Variants in NSUN2 observed in about 807,000 individuals in gnomAD.
The protein encoded by NSUN2 is NOP2/Sun RNA methyltransferase 2, also known as RNA cytosine C(5)-methyltransferase NSUN2.
In NSUN2, 63 loss-of-function variants were observed where a neutral mutation model predicts 92.7. The observed-to-expected ratio is 0.68, with a 90% CI of 0.56 to 0.84. NSUN2 has a LOEUF of 0.84. Among genes scored for constraint, NSUN2 ranks in the 40% least tolerant of loss-of-function variants. NSUN2 has a pLI of 0.00. For missense variants in NSUN2, 989 were observed against 964.9 expected, an observed-to-expected ratio of 1.02 and a Z score of -0.33; for synonymous variants, 356 against 348.3, an observed-to-expected ratio of 1.02 and a Z score of -0.25.
intron 14 of NSUN2, among the ~76,000 whole-genome samples, chr5:6,606,426 G>A (rs1736772913): frequency 6.6e-6 from 1 of 152,164 alleles, no homozygotes; most frequent in Non-Finnish European, 1.5e-5. Flanking sequence ...TGGGACTACA[G>A]GTGCCCGCCA....
intron 5 of NSUN2, among the ~76,000 whole-genome samples, chr5:6,622,975 G>A (rs527320111): frequency 6.8e-6 from 1 of 147,726 alleles, no homozygotes; most frequent in East Asian, 2.0e-4. Context: ...CAATCCATAT[G>A]GTAAACAAAT....
chr5:6,613,706 G>A lies in NSUN2; in HGVS notation c.1022-1908C>T, dbSNP rs138723330. Among the ~76,000 whole-genome samples the A allele has an allele frequency of 9.3e-3, 1,411 of 152,238 alleles. 18 individuals are homozygous for A. The highest frequency in any genetic ancestry group is 0.032 in the African/African-American group (1,328 of 41,528). On this transcript the variant is annotated intron_variant, in intron 9 of 18. Coordinates refer to ENST00000264670, the MANE Select transcript of NSUN2 (RefSeq NM_017755.6). ...ATCATCTGCTCTATTGGTAATAAAG[G>A]TGCGATTTTGGCCTTGGTCTGCCTT...
At chr5:6,631,639 T>A (rs1206929212) in intron 3 of NSUN2, among the ~76,000 whole-genome samples, 1 of 152,212 alleles carries the variant, frequency 6.6e-6, no homozygotes, top group Non-Finnish European at 1.5e-5. Flanking sequence ...AGAGGCTGGA[T>A]GTACTAGGAA....
At chr5:6,611,352 GT>G (rs945059484) in intron 10 of NSUN2, among the ~76,000 whole-genome samples, 11 of 147,148 alleles carry the variant, frequency 7.5e-5, no homozygotes, top group African/African-American at 2.5e-4. Context: ...TTTCCATCTA[GT>G]TTTTTTCTTT....
chr5:6,604,337 C>T (rs1736673842), intron 16 of NSUN2, 61 bp from the exon 17 acceptor site: 1 of 1,444,170 alleles, frequency 6.9e-7, no homozygotes, highest in African/African-American at 1.4e-5. Flanking sequence ...ACGACAACAG[C>T]CTGCTCTCAG....
chr5:6,603,179 A>T (rs936807290), intron 17 of NSUN2, among the ~76,000 whole-genome samples: 4 of 152,278 alleles, frequency 2.6e-5, no homozygotes, highest in Non-Finnish European at 5.9e-5. Flanking sequence ...AAAGAAAATT[A>T]GAACAGCTTG....
intron 3 of NSUN2, among the ~76,000 whole-genome samples, chr5:6,630,562 G>A (rs1368013213): frequency 6.6e-6 from 1 of 152,094 alleles, no homozygotes; most frequent in Non-Finnish European, 1.5e-5. Flanking sequence ...GGTGATATTC[G>A]GTCTTGATAC....
At chr5:6,614,737 C>T (rs1449626034) in intron 9 of NSUN2, among the ~76,000 whole-genome samples, 1 of 152,144 alleles carries the variant, frequency 6.6e-6, no homozygotes, top group Non-Finnish European at 1.5e-5. Flanking sequence ...CCACAGAGCA[C>T]ACAGCATGTT....
chr5:6,599,793 C>T lies in NSUN2; in HGVS notation c.*133G>A. On this transcript the variant is annotated 3_prime_UTR_variant, in exon 19 of 19. Coordinates refer to ENST00000264670, the MANE Select transcript of NSUN2 (RefSeq NM_017755.6). The stretch of plus-strand genomic sequence containing the variant: ...GTCATTCAGAAGGCTCCTATGATCC[C>T]ACCAGTCTGCAGTCATTAGAAATAT... 1 of 752,042 alleles carries T rather than the reference C, an allele frequency of 1.3e-6. No individual in the cohort carries two copies. The highest frequency in any genetic ancestry group is 1.7e-5 in the South Asian group (1 of 59,124). The allele number at this position is 752,042 out of a possible 1,614,324, so 46.6% of individuals were successfully genotyped here.
chr5:6,625,181 A>G (rs556202337), intron 4 of NSUN2, among the ~76,000 whole-genome samples: 6 of 152,322 alleles, frequency 3.9e-5, no homozygotes, highest in Non-Finnish European at 5.9e-5. Flanking sequence ...AAACAGAACC[A>G]AAAACCTATT....
In NSUN2 at chr5:6,631,974, G is replaced by T. The variant is rs141912087; in HGVS notation, c.258C>A (p.His86Gln). ...ATLRITGYKS[H>Q]AKEILHCLKN... ...TTAAGCAATGGAGAATCTCTTTTGC[G>T]TGGCTATTGAAAAATAAGGAAGTTT... Residue 86 changes from histidine to glutamine, a missense_variant, in exon 3 of 19, where the codon CAC becomes CAA. His to Gln is a conservative substitution (Grantham distance 24). Around this residue, in one of 3 missense-constraint regions of NSUN2, gnomAD observed 356 missense variants for 338.6 expected, o/e 1.05. Coordinates refer to ENST00000264670, the MANE Select transcript of NSUN2 (RefSeq NM_017755.6). 1 of 1,606,828 alleles carries T rather than the reference G, an allele frequency of 6.2e-7. No homozygotes were observed. Among genetic ancestry groups the T allele is most frequent in the East Asian group, 2.2e-5 (1 of 44,856 alleles).
intron 6 of NSUN2, chr5:6,621,267 G>A (rs933152557): frequency 1.3e-5 from 2 of 152,124 alleles, no homozygotes; most frequent in African/African-American, 4.8e-5. Context: ...GTAACTTGCC[G>A]ATTAGGATTT....
intron 18 of NSUN2, among the ~76,000 whole-genome samples, chr5:6,601,301 G>A (rs1736546287): frequency 6.6e-6 from 1 of 151,560 alleles, no homozygotes; most frequent in Non-Finnish European, 1.5e-5. Context: ...ACATGGGACT[G>A]TTATTTTAAA....
intron 15 of NSUN2, 103 bp from the exon 16 acceptor site, chr5:6,604,788 AGAG>A (rs535487549): frequency 9.9e-4 from 938 of 951,984 alleles, no homozygotes; most frequent in Non-Finnish European, 1.4e-3. Flanking sequence ...ATGGGAAAGG[AGAG>A]GAGAAGCAGA....
chr5:6,612,249 C>A (rs147567101), intron 9 of NSUN2, among the ~76,000 whole-genome samples: 1 of 152,192 alleles, frequency 6.6e-6, no homozygotes, highest in Non-Finnish European at 1.5e-5. Flanking sequence ...GGCTGCAGGA[C>A]GCCTGCTCCG....
chr5:6,600,206 A>T lies in NSUN2; in HGVS notation c.2024T>A (p.Ile675Asn). The stretch of plus-strand genomic sequence containing the variant: ...CTTTCCCCGCCATCCGCATAAGACG[A>T]TGGGACACTGCAGAGCGTCTGGATT... ...SANPDALQCPIVLCGWRGKAS... is the reference protein window; with the variant it reads ...SANPDALQCPNVLCGWRGKAS... The change falls in exon 19 of 19, where the codon ATC (isoleucine) becomes AAC (asparagine). Residue 675 changes from isoleucine (I) to asparagine (N), a missense_variant. Ile to Asn is a moderately radical substitution (Grantham distance 149, BLOSUM62 -3). Transcript: ENST00000264670. The T allele has an allele frequency of 6.2e-7, 1 of 1,614,188 alleles. No homozygotes were observed. Among genetic ancestry groups the T allele is most frequent in the Non-Finnish European group, 8.5e-7 (1 of 1,180,008 alleles).
intron 3 of NSUN2, among the ~76,000 whole-genome samples, chr5:6,631,405 A>C (rs1737886408): frequency 6.6e-6 from 1 of 152,216 alleles, no homozygotes. Context: ...CGGAAATGCT[A>C]CATTGGCTGG....
In NSUN2 at chr5:6,632,998, C is replaced by G; in HGVS notation, c.-19G>C. The G allele has an allele frequency of 1.4e-6, 2 of 1,431,112 alleles. No individual in the cohort carries two copies. The highest frequency in any genetic ancestry group is 1.8e-6 in the Non-Finnish European group (2 of 1,103,894). The allele number at this position is 1,431,112 out of a possible 1,614,324, so 88.7% of individuals were successfully genotyped here. ...GCCCCATAGCCCACGCGGCCGCGCA[C>G]GCAGCACGCAGAAACCGGCCCGCCA... On this transcript the variant is annotated 5_prime_UTR_variant, in exon 1 of 19. Coordinates refer to ENST00000264670, the MANE Select transcript of NSUN2 (RefSeq NM_017755.6).
intron 15 of NSUN2, 149 bp from the exon 16 acceptor site, chr5:6,604,834 T>C: frequency 3.1e-6 from 2 of 655,694 alleles, no homozygotes; most frequent in South Asian, 1.9e-5. Context: ...AAGAACGAAC[T>C]GATACTCACA....
Sources: gnomAD v4.1 joint callset for allele counts (sites outside exome capture counted in the v4.1 genomes callset) on GRCh38, gnomAD v4.1.1 for gene constraint, gnomAD v4.1.1 regional missense constraint, MANE v1.5 for transcripts, NCBI Gene and HGNC (gene_info 2026-07-23, HGNC 2026-07-21) for gene names.